CCDC171: variants seen among roughly 807,000 people sequenced by gnomAD.
CCDC171 encodes the protein coiled-coil domain-containing protein 171.
In CCDC171, 177 loss-of-function variants were observed where a neutral mutation model predicts 168.2. The observed-to-expected ratio is 1.05, with a 90% CI of 0.93 to 1.19. The LOEUF is 1.19. CCDC171 is among the 50% of genes most tolerant of loss of function. CCDC171 has a pLI of 0.00. For missense variants in CCDC171, 1,991 were observed against 1,539.0 expected, an observed-to-expected ratio of 1.29 and a Z score of -4.91; for synonymous variants, 687 against 540.8, an observed-to-expected ratio of 1.27 and a Z score of -3.75.
chr9:15,623,681 C>G (rs951301598), intron 7 of CCDC171, among the ~76,000 whole-genome samples: 1 of 152,098 alleles, frequency 6.6e-6, no homozygotes, highest in Non-Finnish European at 1.5e-5. Flanking sequence ...GAACAATTAA[C>G]TCTCATGGAA....
intron 24 of CCDC171, among the ~76,000 whole-genome samples, chr9:15,894,177 C>G (rs1321259037): frequency 6.6e-6 from 1 of 152,086 alleles, no homozygotes; most frequent in Non-Finnish European, 1.5e-5. Flanking sequence ...AACATAGGAA[C>G]AGAAAACCAA....
intron 21 of CCDC171, among the ~76,000 whole-genome samples, chr9:15,835,623 C>T (rs1054134495): frequency 6.6e-6 from 1 of 152,116 alleles, no homozygotes; most frequent in Non-Finnish European, 1.5e-5. Flanking sequence ...GACAGGGTTT[C>T]ACCATGTTGG....
chr9:16,015,746 C>T (rs1056002019), intron 3 of CCDC171, among the ~76,000 whole-genome samples: 1 of 152,170 alleles, frequency 6.6e-6, no homozygotes, highest in African/African-American at 2.4e-5. Context: ...ATCTTCCCAA[C>T]TGAAACTCTG....
chr9:15,944,836 T>C (rs1005712898), intron 25 of CCDC171, among the ~76,000 whole-genome samples: 2 of 129,962 alleles, frequency 1.5e-5, no homozygotes, highest in African/African-American at 2.9e-5. Context: ...TTTCTTTCTT[T>C]TTTCTTTCTT....
chr9:15,766,343 A>C (rs1000317208), intron 18 of CCDC171, among the ~76,000 whole-genome samples: 15 of 152,142 alleles, frequency 9.9e-5, no homozygotes, highest in Non-Finnish European at 2.2e-4. Flanking sequence ...TCCTGGGCTC[A>C]AGGGATCCTC....
At chr9:15,656,385 A>G (rs115767738) in intron 7 of CCDC171, among the ~76,000 whole-genome samples, 1,707 of 152,080 alleles carry the variant, frequency 0.011, 36 homozygotes, top group African/African-American at 0.039. Context: ...ATTCTTCACT[A>G]TTTACCCCAG....
In CCDC171 at chr9:16,052,717, A is replaced by G. The variant is rs1833770590; in HGVS notation, n.90-7929A>G. 2.0e-5 allele frequency among the ~76,000 whole-genome samples: 3 copies of G among 151,898 alleles called. No individual in the cohort carries two copies. In the South Asian group the frequency reaches 6.3e-4, roughly 32 times the overall value. On this transcript the variant is annotated intron_variant and non_coding_transcript_variant, in intron 1 of 1. Coordinates refer to the CCDC171 transcript ENST00000478913. ...TTTGTTCCATGATCTCAAGCTCTGA[A>G]TTTGTCCTGTATTTATCACTTTCTC...
chr9:15,812,077 G>C (rs1367997636), intron 21 of CCDC171, among the ~76,000 whole-genome samples: 2 of 152,014 alleles, frequency 1.3e-5, no homozygotes, highest in Admixed American at 6.5e-5. Flanking sequence ...GTTTGAACAA[G>C]GTATTAAAAA....
At chr9:15,555,904 A>T (rs1017059408) in intron 1 of CCDC171, among the ~76,000 whole-genome samples, 1 of 151,920 alleles carries the variant, frequency 6.6e-6, no homozygotes, top group African/African-American at 2.4e-5. Flanking sequence ...TCGTTGTTCA[A>T]TTCCTACCTA....
In CCDC171 at chr9:15,594,117, G is replaced by A; in HGVS notation, c.620G>A (p.Arg207Lys). The A allele has an allele frequency of 6.6e-7, 1 of 1,525,172 alleles. No individual in the cohort carries two copies. Among genetic ancestry groups the A allele is most frequent in the East Asian group, 2.3e-5 (1 of 43,940 alleles). 94.5% of individuals were successfully genotyped at this position (1,525,172 alleles called of 1,614,324 possible). A position where few individuals can be genotyped will look rare whatever the true frequency, so the allele number is the denominator to read the frequency against. Residue 207 changes from arginine to lysine, a missense_variant, in exon 6 of 26, where the codon AGA (arginine) becomes AAA (lysine). Physicochemically the swap from Arg to Lys is conservative, Grantham distance 26. Coordinates refer to ENST00000380701, the MANE Select transcript of CCDC171 (RefSeq NM_173550.4). ...AGGGAGACAGCATTGGAGGAGTTTA[G>A]ATTACAAGAAGAACAATGGGAAGCA... The part of the protein sequence containing the change: ...HIRETALEEF[R>K]LQEEQWEAER...
intron 25 of CCDC171, among the ~76,000 whole-genome samples, chr9:15,936,527 G>A (rs1827140556): frequency 6.6e-6 from 1 of 151,952 alleles, no homozygotes; most frequent in African/African-American, 2.4e-5. Flanking sequence ...ACTCAGCAGA[G>A]AGCGAGAGGA....
chr9:15,849,496 G>A (rs1020760098), intron 23 of CCDC171, among the ~76,000 whole-genome samples: 1 of 151,308 alleles, frequency 6.6e-6, no homozygotes, highest in African/African-American at 2.4e-5. Context: ...GATAAACTCT[G>A]AGTGTTAATT....
intron 7 of CCDC171, among the ~76,000 whole-genome samples, chr9:15,639,751 A>T (rs2046455161): frequency 6.6e-6 from 1 of 152,024 alleles, no homozygotes; most frequent in Admixed American, 6.6e-5. Flanking sequence ...GGCACAGAGA[A>T]CTCTGAATCT....
At chr9:15,942,113 C>T (rs1007693995) in intron 25 of CCDC171, among the ~76,000 whole-genome samples, 4 of 151,874 alleles carry the variant, frequency 2.6e-5, no homozygotes, top group African/African-American at 7.2e-5. Context: ...ATAATTATAA[C>T]ATTAATTGTA....
intron 21 of CCDC171, among the ~76,000 whole-genome samples, chr9:15,788,547 A>C (rs564659976): frequency 7.9e-5 from 12 of 151,700 alleles, no homozygotes; most frequent in African/African-American, 2.7e-4. Context: ...GAAAGCAATC[A>C]CTTAACATTT....
chr9:16,010,613 T>G (rs559194795), intron 3 of CCDC171, among the ~76,000 whole-genome samples: 7 of 152,140 alleles, frequency 4.6e-5, no homozygotes, highest in African/African-American at 1.7e-4. Flanking sequence ...CTTCTTCAGC[T>G]TCCTCACTAC....
chr9:15,911,222 T>C (rs781530639), intron 24 of CCDC171, among the ~76,000 whole-genome samples: 2 of 152,236 alleles, frequency 1.3e-5, no homozygotes, highest in Non-Finnish European at 1.5e-5. Flanking sequence ...TTCCTGACTT[T>C]TTAATGACAG....
intron 24 of CCDC171, among the ~76,000 whole-genome samples, chr9:15,900,464 G>C (rs956890190): frequency 3.6e-4 from 55 of 152,234 alleles, no homozygotes; most frequent in African/African-American, 1.3e-3. Context: ...CTGCTTCTCA[G>C]GTGAGATCAC....
At chr9:15,602,740 C>T (rs1281344933) in intron 6 of CCDC171, among the ~76,000 whole-genome samples, 1 of 147,214 alleles carries the variant, frequency 6.8e-6, no homozygotes, top group African/African-American at 2.5e-5. Context: ...ACTGCAACCT[C>T]TCCGCCTCCC....
Sources: gnomAD v4.1 joint callset for allele counts (sites outside exome capture counted in the v4.1 genomes callset) on GRCh38, gnomAD v4.1.1 for gene constraint, MANE v1.5 for transcripts, NCBI Gene and HGNC (gene_info 2026-07-23, HGNC 2026-07-21) for gene names.